The following TMTC3 variants were observed in gnomAD, a reference collection of about 807,000 sequenced individuals.
TMTC3 encodes the protein transmembrane O-mannosyltransferase targeting cadherins 3, also known as protein O-mannosyl-transferase TMTC3.
In TMTC3, 52 loss-of-function variants were observed where a neutral mutation model predicts 92.2. That is an observed-to-expected ratio of 0.56 (90% CI 0.45 to 0.71). The LOEUF (loss-of-function observed/expected upper bound fraction) is 0.71, where lower values mean the gene tolerates loss of function less well. Among genes scored for constraint, TMTC3 ranks in the 30% least tolerant of loss-of-function variants. The pLI, the probability that TMTC3 is intolerant of heterozygous loss-of-function variation, is 0.00. For synonymous variants in TMTC3, 339 were observed against 363.3 expected (o/e 0.93, Z 0.76); for missense variants, 896 against 1,057.1 (o/e 0.85, Z 2.11).
chr12:88,189,949 T>A (rs1176071822), intron 11 of TMTC3, among the ~76,000 whole-genome samples: 2 of 151,868 alleles, frequency 1.3e-5, no homozygotes, highest in African/African-American at 4.8e-5. Context: ...AGTTCAACTT[T>A]AAAAAAAATT....
chr12:88,196,350 TGTTTA>T lies in TMTC3; in HGVS notation c.*706_*710del, dbSNP rs564094334. The T allele has an allele frequency of 1.5e-4, 23 of 152,554 alleles. No homozygotes were observed. The South Asian group carries it at 4.6e-3, about 30-fold the overall frequency. 9.5% of individuals were successfully genotyped at this position (152,554 alleles called of 1,614,324 possible). A position where few individuals can be genotyped will look rare whatever the true frequency, so the allele number is the denominator to read the frequency against. ...TGCTCATATATACTGTATTTTTTGT[TGTTTA>T]GTTTTACTTATTGAGAGTGTCACAA... On this transcript the variant is annotated 3_prime_UTR_variant, in exon 14 of 14. Transcript: ENST00000266712.
chr12:88,177,189 TGTG>T (rs769702099), intron 10 of TMTC3, among the ~76,000 whole-genome samples: 1 of 151,644 alleles, frequency 6.6e-6, no homozygotes, highest in Non-Finnish European at 1.5e-5. Context: ...AGCCAGGTAT[TGTG>T]GTGGGCGCCT....
intron 7 of TMTC3, among the ~76,000 whole-genome samples, chr12:88,169,755 A>T (rs1439810698): frequency 6.6e-6 from 1 of 152,096 alleles, no homozygotes; most frequent in Non-Finnish European, 1.5e-5. Context: ...CCTGGGCAAG[A>T]CAGTGAGATC....
intron 7 of TMTC3, among the ~76,000 whole-genome samples, 175 bp downstream of exon 7, chr12:88,166,757 T>A (rs114628716): frequency 5.0e-4 from 76 of 152,352 alleles, no homozygotes; most frequent in African/African-American, 1.8e-3. Context: ...TTTGCAGGCA[T>A]AATTTGACAT....
At chr12:88,156,746 T>G (rs771236810) in intron 4 of TMTC3, among the ~76,000 whole-genome samples, 7 of 149,080 alleles carry the variant, frequency 4.7e-5, no homozygotes, top group Non-Finnish European at 1.0e-4. Context: ...TAATCCCTCA[T>G]AACACTCACA....
Position 88,176,304 on chromosome 12 carries a change from A to G in TMTC3, c.1417A>G (p.Thr473Ala), listed in dbSNP as rs1352682473. 2.5e-6 allele frequency: 4 copies of G among 1,609,302 alleles called. No individual in the cohort carries two copies. In the South Asian group the frequency reaches 4.4e-5, roughly 18 times the overall value. Residue 473 changes from threonine to alanine, a missense_variant, in exon 10 of 14, where the codon ACC becomes GCC. Thr to Ala is a moderately conservative substitution (Grantham distance 58). Coordinates refer to ENST00000266712, the MANE Select transcript of TMTC3 (RefSeq NM_181783.4). Reference sequence around the variant, plus strand: ...AGCTTTGAAATACTTCTTACAGGCTACCCATGTTCAGCCAGGTAAGCATTA... The same window carrying G: ...AGCTTTGAAATACTTCTTACAGGCTGCCCATGTTCAGCCAGGTAAGCATTA... ...ERALKYFLQA[T>A]HVQPDDIGAH...
chr12:88,167,787 C>CT (rs1304463107), intron 7 of TMTC3, among the ~76,000 whole-genome samples: 1 of 152,154 alleles, frequency 6.6e-6, no homozygotes, highest in Non-Finnish European at 1.5e-5. Flanking sequence ...TTGAACAGCA[C>CT]TTTATGTCTG....
intron 10 of TMTC3, among the ~76,000 whole-genome samples, chr12:88,188,228 GT>G (rs1565958057): frequency 6.6e-6 from 1 of 152,006 alleles, no homozygotes; most frequent in South Asian, 2.1e-4. Context: ...GAATGGCAAA[GT>G]TTTTTTTCAG....
chr12:88,195,302 T>C lies in TMTC3; in HGVS notation c.2398T>C (p.Leu800=). ...AERCLLETLA[L]APHEEYIQRH... ...AAGATGCCTTCTTGAAACACTGGCA[T>C]TAGCACCACATGAAGAATATATTCA... Residue 800 remains leucine (L), a synonymous_variant, in exon 14 of 14, where the codon TTA becomes CTA. Coordinates refer to ENST00000266712, the MANE Select transcript of TMTC3 (RefSeq NM_181783.4). The C allele has an allele frequency of 6.2e-7, 1 of 1,613,922 alleles. No homozygotes were observed. Among genetic ancestry groups the C allele is most frequent in the Non-Finnish European group, 8.5e-7 (1 of 1,179,910 alleles).
chr12:88,193,888 T>TTTTTTTGGC (rs2041472816), intron 13 of TMTC3, among the ~76,000 whole-genome samples: 1 of 152,132 alleles, frequency 6.6e-6, no homozygotes, highest in East Asian at 1.9e-4. Flanking sequence ...AACTTTTTTG[T>TTTTTTTGGC]TTTTTTGGCT....
intron 10 of TMTC3, among the ~76,000 whole-genome samples, chr12:88,178,769 G>A (rs2041286222): frequency 1.3e-5 from 2 of 152,136 alleles, no homozygotes; most frequent in Non-Finnish European, 2.9e-5. Context: ...ATCTTTGATT[G>A]TCAGGCACAC....
At chr12:88,186,019 T>A (rs1259443514) in intron 10 of TMTC3, among the ~76,000 whole-genome samples, 1 of 152,180 alleles carries the variant, frequency 6.6e-6, no homozygotes, top group African/African-American at 2.4e-5. Context: ...TTTATTTTTT[T>A]AAATAAATTG....
At position 88,195,495 on chromosome 12, in the gene TMTC3, A is replaced by G; in HGVS notation, c.2591A>G (p.Asn864Ser). The G allele has an allele frequency of 7.4e-6, 12 of 1,613,308 alleles. No individual in the cohort carries two copies. Among genetic ancestry groups the G allele is most frequent in the Non-Finnish European group, 1.0e-5 (12 of 1,179,718 alleles). ...ACACAAATAGTAAAAACAAGTGATA[A>G]TAAAAGTCAGTCTAAATCCAACAAA... ...RQTQIVKTSD[N>S]KSQSKSNKQL... Residue 864 changes from asparagine to serine, a missense_variant, in exon 14 of 14, where the codon AAT (asparagine) becomes AGT (serine). By Grantham distance (46) the Asn-to-Ser change is conservative. Coordinates refer to ENST00000266712, the MANE Select transcript of TMTC3 (RefSeq NM_181783.4).
At chr12:88,154,616 T>G (rs1440390630) in intron 4 of TMTC3, among the ~76,000 whole-genome samples, 3 of 152,204 alleles carry the variant, frequency 2.0e-5, no homozygotes, top group Admixed American at 2.0e-4. Flanking sequence ...TTTTATATGA[T>G]CTAATTTTAA....
intron 11 of TMTC3, among the ~76,000 whole-genome samples, 183 bp from the exon 12 acceptor site, chr12:88,190,270 C>G (rs1397547980): frequency 6.6e-6 from 1 of 152,048 alleles, no homozygotes; most frequent in Non-Finnish European, 1.5e-5. Flanking sequence ...TCAAACAAAT[C>G]AGAACTTTTA....
intron 7 of TMTC3, among the ~76,000 whole-genome samples, chr12:88,167,071 C>CTT (rs1473507807): frequency 1.3e-5 from 2 of 148,870 alleles, no homozygotes; most frequent in African/African-American, 5.0e-5. Context: ...ACTTCATACT[C>CTT]ATAAGAGTTA....
intron 4 of TMTC3, among the ~76,000 whole-genome samples, chr12:88,156,811 G>GTGTGTT (rs533189653): frequency 7.3e-6 from 1 of 136,756 alleles, no homozygotes; most frequent in Non-Finnish European, 1.6e-5. Flanking sequence ...GTGTGTGTGT[G>GTGTGTT]TTTTTTTTTT....
chr12:88,189,806 G>A (rs1479707491), intron 11 of TMTC3, among the ~76,000 whole-genome samples: 1 of 151,906 alleles, frequency 6.6e-6, no homozygotes, highest in Admixed American at 6.6e-5. Flanking sequence ...ATTAAGTTAA[G>A]GTTTTTATAA....
intron 4 of TMTC3, among the ~76,000 whole-genome samples, chr12:88,159,625 C>T (rs1468798487): frequency 6.6e-6 from 1 of 150,976 alleles, no homozygotes; most frequent in Non-Finnish European, 1.5e-5. Context: ...CACCACTGTA[C>T]TTACTCCAGC....
Sources: gnomAD v4.1 joint callset for allele counts (sites outside exome capture counted in the v4.1 genomes callset) on GRCh38, gnomAD v4.1.1 for gene constraint, MANE v1.5 for transcripts, NCBI Gene and HGNC (gene_info 2026-07-23, HGNC 2026-07-21) for gene names.